The following CNTNAP2 variants were observed in gnomAD, a reference collection of about 807,000 sequenced individuals.
The protein encoded by CNTNAP2 is contactin-associated protein-like 2.
Under a neutral mutation model 155.2 loss-of-function variants are expected in CNTNAP2, and 98 were observed. That is an observed-to-expected ratio of 0.63 (90% CI 0.54 to 0.75). CNTNAP2 has a LOEUF of 0.75. CNTNAP2 is among the 30% of genes least tolerant of loss of function. The pLI, the probability that CNTNAP2 is intolerant of heterozygous loss-of-function variation, is 0.00. For synonymous variants in CNTNAP2, 651 were observed against 631.2 expected, an observed-to-expected ratio of 1.03 and a Z score of -0.47; for missense variants, 1,727 against 1,688.1, an observed-to-expected ratio of 1.02 and a Z score of -0.40.
intron 10 of CNTNAP2, among the ~76,000 whole-genome samples, chr7:147,429,444 T>A (rs1236775295): frequency 6.6e-6 from 1 of 152,034 alleles, no homozygotes; most frequent in Non-Finnish European, 1.5e-5. Flanking sequence ...TGTTTTTTTC[T>A]TGTTGATTTG....
chr7:147,138,867 C>A (rs912760398), intron 8 of CNTNAP2, among the ~76,000 whole-genome samples: 2 of 151,598 alleles, frequency 1.3e-5, no homozygotes, highest in African/African-American at 4.8e-5. Flanking sequence ...TCCAAAAAGG[C>A]AATAAAGTTT....
At chr7:148,315,720 A>G (rs1797675569) in intron 21 of CNTNAP2, among the ~76,000 whole-genome samples, 1 of 152,222 alleles carries the variant, frequency 6.6e-6, no homozygotes, top group Non-Finnish European at 1.5e-5. Flanking sequence ...CCTATCAGTT[A>G]CCTTTCTAGC....
chr7:146,777,233 A>G (rs1405148638), intron 2 of CNTNAP2, among the ~76,000 whole-genome samples: 1 of 152,168 alleles, frequency 6.6e-6, no homozygotes, highest in Non-Finnish European at 1.5e-5. Flanking sequence ...CCATTTTATC[A>G]TTTGTTATGT....
At chr7:146,944,862 T>A (rs529556965) in intron 3 of CNTNAP2, among the ~76,000 whole-genome samples, 6 of 150,960 alleles carry the variant, frequency 4.0e-5, no homozygotes, top group Admixed American at 6.6e-5. Flanking sequence ...TGGGCGACAG[T>A]GCGAGACTCC....
chr7:146,779,588 T>G (rs992190776), intron 2 of CNTNAP2, among the ~76,000 whole-genome samples: 4 of 152,216 alleles, frequency 2.6e-5, no homozygotes, highest in African/African-American at 9.6e-5. Flanking sequence ...AATCTCAGTA[T>G]TTCCCAACTA....
rs386411606 is a variant in CNTNAP2, at chr7:147,950,364, C to CAAAAAAAAAAA, written c.2256-27479_2256-27469dup. ...AGCTTAAGCTATACACATAGAGAGG[C>CAAAAAAAAAAA]AAAAAAAAAAAAAAAAAAAAAAAAA... On this transcript the variant is annotated intron_variant, in intron 14 of 23. Coordinates refer to ENST00000361727, the MANE Select transcript of CNTNAP2 (RefSeq NM_014141.6). Among the ~76,000 whole-genome samples, 7 of 55,780 alleles carry CAAAAAAAAAAA rather than the reference C, an allele frequency of 1.3e-4. 1 individual carries two copies. Among genetic ancestry groups the CAAAAAAAAAAA allele is most frequent in the East Asian group, 9.6e-4 (1 of 1,040 alleles). The allele number at this position is 55,780 out of a possible 152,430, so 36.6% of individuals were successfully genotyped here.
intron 15 of CNTNAP2, among the ~76,000 whole-genome samples, chr7:148,001,280 A>G (rs185624618): frequency 2.0e-5 from 3 of 152,264 alleles, no homozygotes; most frequent in Admixed American, 2.0e-4. Flanking sequence ...GAGCCCCACA[A>G]CTGTGTCTCC....
intron 21 of CNTNAP2, among the ~76,000 whole-genome samples, chr7:148,382,374 G>A (rs1177860277): frequency 1.3e-5 from 2 of 152,182 alleles, no homozygotes; most frequent in Non-Finnish European, 2.9e-5. Flanking sequence ...ATGTTAAATT[G>A]AGACCCCGCA....
chr7:148,221,167 G>A (rs532075449), intron 19 of CNTNAP2, among the ~76,000 whole-genome samples: 36 of 152,306 alleles, frequency 2.4e-4, no homozygotes, highest in African/African-American at 7.0e-4. Context: ...CTTCAAGGGC[G>A]TTGATCAATG....
At chr7:147,120,913 T>A (rs1563083718) in intron 5 of CNTNAP2, 66 bp from the exon 6 acceptor site, 3 of 1,454,954 alleles carry the variant, frequency 2.1e-6, no homozygotes, top group South Asian at 1.1e-5. Flanking sequence ...AAATGAAAGA[T>A]CTTCTGCTTC....
chr7:148,152,833 G>A (rs2906304), intron 17 of CNTNAP2, among the ~76,000 whole-genome samples: 53,822 of 151,602 alleles, frequency 0.36, 10,485 homozygotes, highest in African/African-American at 0.52. Context: ...ATCCTGGCTA[G>A]CACGGTGAAA....
chr7:148,399,758 G>A (rs1799543907), intron 22 of CNTNAP2, among the ~76,000 whole-genome samples: 1 of 152,158 alleles, frequency 6.6e-6, no homozygotes, highest in South Asian at 2.1e-4. Context: ...GTCGAACTGT[G>A]GGGCATTCTG....
intron 8 of CNTNAP2, among the ~76,000 whole-genome samples, chr7:147,275,895 C>T (rs1052793870): frequency 9.2e-5 from 14 of 151,630 alleles, no homozygotes; most frequent in Admixed American, 9.2e-4. Context: ...ATTTTGAGTG[C>T]TTTTTCTGCA....
At chr7:146,493,434 A>G (rs1050782294) in intron 1 of CNTNAP2, among the ~76,000 whole-genome samples, 2 of 152,200 alleles carry the variant, frequency 1.3e-5, no homozygotes, top group Non-Finnish European at 2.9e-5. Flanking sequence ...ACAAAATTTG[A>G]TAGATTTTGA....
At chr7:147,344,789 T>A (rs1262457695) in intron 9 of CNTNAP2, among the ~76,000 whole-genome samples, 2 of 152,104 alleles carry the variant, frequency 1.3e-5, no homozygotes, top group Non-Finnish European at 2.9e-5. Flanking sequence ...AATTAGGGAC[T>A]TTTTTTAATA....
chr7:147,540,953 T>C (rs992493176), intron 11 of CNTNAP2, among the ~76,000 whole-genome samples: 8 of 152,102 alleles, frequency 5.3e-5, no homozygotes, highest in Non-Finnish European at 8.8e-5. Flanking sequence ...CAGCAAGAAA[T>C]AGCAATTATA....
intron 3 of CNTNAP2, among the ~76,000 whole-genome samples, chr7:146,928,667 A>T (rs1369988161): frequency 6.6e-6 from 1 of 152,218 alleles, no homozygotes; most frequent in Non-Finnish European, 1.5e-5. Context: ...GGGGTCAGGG[A>T]GTTCCCTTTC....
intron 17 of CNTNAP2, among the ~76,000 whole-genome samples, chr7:148,167,690 T>G (rs1805695513): frequency 6.6e-6 from 1 of 152,164 alleles, no homozygotes; most frequent in Non-Finnish European, 1.5e-5. Flanking sequence ...CTCCTTTATC[T>G]GTGGATGGGG....
At chr7:146,317,240 TATTCAAACAACACAAGCAA>T (rs1800922764) in intron 1 of CNTNAP2, among the ~76,000 whole-genome samples, 1 of 152,210 alleles carries the variant, frequency 6.6e-6, no homozygotes, top group Admixed American at 6.5e-5. Context: ...AATTTATAAT[TATTCAAACAACACAAGCAA>T]ATAGGTAATC....
Sources: gnomAD v4.1 joint callset for allele counts (sites outside exome capture counted in the v4.1 genomes callset) on GRCh38, gnomAD v4.1.1 for gene constraint, MANE v1.5 for transcripts, NCBI Gene and HGNC (gene_info 2026-07-23, HGNC 2026-07-21) for gene names.